Variants in NTN1 observed in about 807,000 individuals in gnomAD.
NTN1 encodes netrin-1.
NTN1 carries 11 observed loss-of-function variants against 54.2 expected under a neutral mutation model. The observed-to-expected ratio is 0.20, with a 90% CI of 0.13 to 0.34. The LOEUF is 0.34. Ranked by LOEUF, NTN1 falls within the 10% of genes least tolerant of loss-of-function variation. The probability of loss-of-function intolerance (pLI) is 1.00; values close to 1 mark genes in which losing one functional copy is unlikely to be tolerated. For missense variants in NTN1, 740 were observed against 893.1 expected, an observed-to-expected ratio of 0.83 and a Z score of 2.18; for synonymous variants, 371 against 382.0, an observed-to-expected ratio of 0.97 and a Z score of 0.33.
In NTN1 at chr17:9,090,836, G is replaced by C. The variant is rs531251912; in HGVS notation, c.1018+67445G>C. On this transcript the variant is annotated intron_variant, in intron 2 of 6. Transcript: ENST00000173229. ...GGCCTTGAGGAGGCTTGGCCACTCT[G>C]AGGGTGGGTGCCCATCTAAGGCAAG... Among the ~76,000 whole-genome samples, 6 of 152,320 alleles carry C rather than the reference G, an allele frequency of 3.9e-5. No homozygotes were observed. In the South Asian group the frequency reaches 1.0e-3, roughly 26 times the overall value.
At chr17:9,020,539 G>A (rs2091842613), upstream of NTN1, among the ~76,000 whole-genome samples, 1 of 152,220 alleles carries the variant, frequency 6.6e-6, no homozygotes, top group South Asian at 2.1e-4. Flanking sequence ...TGTTTTTGAT[G>A]TTTACTTGGG....
At chr17:9,207,241 C>T (rs1329036998) in intron 5 of NTN1, among the ~76,000 whole-genome samples, 3 of 152,144 alleles carry the variant, frequency 2.0e-5, no homozygotes, top group African/African-American at 7.2e-5. Context: ...GTGAAGGAAC[C>T]ACATCCGCTA....
intron 2 of NTN1, among the ~76,000 whole-genome samples, chr17:9,088,000 C>T (rs976045396): frequency 6.6e-6 from 1 of 152,178 alleles, no homozygotes; most frequent in African/African-American, 2.4e-5. Context: ...CCACTTTGTC[C>T]CATGCTCCCC....
chr17:9,005,761 G>T, the NTN1 span, among the ~76,000 whole-genome samples: 1 of 152,212 alleles, frequency 6.6e-6, no homozygotes, highest in African/African-American at 2.4e-5. Context: ...TCCAGAATGT[G>T]CAGCCAATGA....
intron 3 of NTN1, chr17:9,175,082 G>A (rs1022047769): frequency 1.3e-5 from 2 of 152,276 alleles, no homozygotes; most frequent in African/African-American, 4.8e-5. Context: ...AGGAGCCCAG[G>A]ACAGACTTCT....
At chr17:9,122,024 C>T (rs1195220944) in intron 2 of NTN1, among the ~76,000 whole-genome samples, 1 of 150,294 alleles carries the variant, frequency 6.7e-6, no homozygotes, top group Non-Finnish European at 1.5e-5. Context: ...CTAGGGAGTT[C>T]GTTTCTGAGT....
At chr17:9,003,698 C>G in the NTN1 span, among the ~76,000 whole-genome samples, 3 of 151,948 alleles carry the variant, frequency 2.0e-5, no homozygotes, top group Non-Finnish European at 4.4e-5. The surrounding 1 kb of genome is among the most constrained non-coding windows in gnomAD (Gnocchi z 7.4). Context: ...CTCCCGGTGC[C>G]CCGGCCCCGG....
At chr17:9,074,059 A>G (rs1264249683) in intron 2 of NTN1, among the ~76,000 whole-genome samples, 1 of 152,158 alleles carries the variant, frequency 6.6e-6, no homozygotes, top group Non-Finnish European at 1.5e-5. Context: ...AGGCCCAGGA[A>G]TCAGTGGCTA....
intron 6 of NTN1, among the ~76,000 whole-genome samples, chr17:9,222,190 C>G (rs1032149294): frequency 1.3e-5 from 2 of 152,216 alleles, no homozygotes; most frequent in African/African-American, 4.8e-5. Context: ...GGCTGGCCCC[C>G]CAATTCTGGG....
chr17:9,101,608 G>C (rs1035870150), intron 2 of NTN1, among the ~76,000 whole-genome samples: 1 of 152,238 alleles, frequency 6.6e-6, no homozygotes, highest in Non-Finnish European at 1.5e-5. Context: ...GGCCAGGTGA[G>C]TGGGGATTTT....
intron 5 of NTN1, among the ~76,000 whole-genome samples, chr17:9,207,272 A>G (rs959500915): frequency 2.0e-5 from 3 of 152,196 alleles, no homozygotes; most frequent in Non-Finnish European, 4.4e-5. Context: ...TGCTTTTCAG[A>G]ACAGCCAGAG....
intron 6 of NTN1, among the ~76,000 whole-genome samples, chr17:9,230,314 C>T (rs925283007): frequency 2.6e-5 from 4 of 152,116 alleles, no homozygotes; most frequent in Admixed American, 2.0e-4. Flanking sequence ...CCACCTCTCC[C>T]GAGCTTGCCC....
intron 6 of NTN1, among the ~76,000 whole-genome samples, chr17:9,231,435 C>T (rs1488455299): frequency 1.3e-5 from 2 of 152,246 alleles, no homozygotes; most frequent in African/African-American, 4.8e-5. Flanking sequence ...CAGCTCCTTC[C>T]TTCAGGTCTC....
intron 2 of NTN1, among the ~76,000 whole-genome samples, chr17:9,098,295 C>G (rs1383838009): frequency 6.6e-6 from 1 of 152,198 alleles, no homozygotes; most frequent in Non-Finnish European, 1.5e-5. Context: ...GCTTATTGGC[C>G]TCACCTGGCA....
chr17:9,229,254 C>T lies in NTN1; in HGVS notation c.1486+8012C>T, dbSNP rs190176819. 3.2e-3 allele frequency among the ~76,000 whole-genome samples: 493 copies of T among 152,102 alleles called. 2 individuals are homozygous for T. Among genetic ancestry groups the T allele is most frequent in the Non-Finnish European group, 5.4e-3 (366 of 67,992 alleles). On this transcript the variant is annotated intron_variant, in intron 6 of 6. Coordinates refer to ENST00000173229, the MANE Select transcript of NTN1 (RefSeq NM_004822.3). Reference sequence around the variant, plus strand: ...AGAATTCTGATTTGCATCACCATACCGTCTGCGTGCCCCGGTACCTCCAGA... The same window carrying T: ...AGAATTCTGATTTGCATCACCATACTGTCTGCGTGCCCCGGTACCTCCAGA...
intron 5 of NTN1, among the ~76,000 whole-genome samples, chr17:9,199,047 C>T (rs1468167173): frequency 6.6e-6 from 1 of 152,230 alleles, no homozygotes; most frequent in Non-Finnish European, 1.5e-5. Context: ...CAAACTCTTT[C>T]TCTACTTCTC....
At chr17:9,130,889 A>T (rs539321236) in intron 2 of NTN1, among the ~76,000 whole-genome samples, 1 of 152,238 alleles carries the variant, frequency 6.6e-6, no homozygotes, top group South Asian at 2.1e-4. Context: ...TGATTCTCTG[A>T]GTCTCGAGTG....
intron 5 of NTN1, among the ~76,000 whole-genome samples, chr17:9,202,090 A>C (rs1488821126): frequency 1.1e-4 from 14 of 123,758 alleles, no homozygotes; most frequent in African/African-American, 3.4e-4. Flanking sequence ...AAAAAAAAAA[A>C]CTTAGCCAGG....
intron 2 of NTN1, among the ~76,000 whole-genome samples, chr17:9,082,804 A>G (rs572860418): frequency 1.3e-5 from 2 of 152,020 alleles, no homozygotes; most frequent in East Asian, 3.9e-4. Flanking sequence ...CAGATGAAAC[A>G]TCGGGAGGAT....
Sources: gnomAD v4.1 joint callset for allele counts (sites outside exome capture counted in the v4.1 genomes callset) on GRCh38, gnomAD v4.1.1 for gene constraint, Gnocchi (gnomAD v3.1) non-coding constraint, MANE v1.5 for transcripts, NCBI Gene and HGNC (gene_info 2026-07-23, HGNC 2026-07-21) for gene names.